Variants in ANKS4B observed in about 807,000 individuals in gnomAD.
The protein encoded by ANKS4B is ankyrin repeat and sterile alpha motif domain containing 4B, also known as ankyrin repeat and SAM domain-containing protein 4B.
Under a neutral mutation model 20.2 loss-of-function variants are expected in ANKS4B, and 21 were observed. The observed-to-expected ratio is 1.04, with a 90% confidence interval of 0.74 to 1.50. The LOEUF is 1.50. Ranked by LOEUF, ANKS4B falls within the 40% of genes most tolerant of loss-of-function variation. ANKS4B has a pLI of 0.00. For missense variants in ANKS4B, 473 were observed against 494.6 expected, an observed-to-expected ratio of 0.96 and a Z score of 0.41; for synonymous variants, 179 against 194.5, an observed-to-expected ratio of 0.92 and a Z score of 0.66.
In ANKS4B at chr16:21,233,795, G is replaced by A. The variant is rs1428004271; in HGVS notation, c.58G>A (p.Ala20Thr). 1 of 1,613,920 alleles carries A rather than the reference G, an allele frequency of 6.2e-7. No homozygotes were observed. The highest frequency in any genetic ancestry group is 8.5e-7 in the Non-Finnish European group (1 of 1,179,976). Residue 20 changes from alanine to threonine, a missense_variant, in exon 1 of 2, where the codon GCT becomes ACT. Ala to Thr is a moderately conservative substitution (Grantham distance 58). Coordinates refer to ENST00000311620, the MANE Select transcript of ANKS4B (RefSeq NM_145865.3). The stretch of plus-strand genomic sequence containing the variant: ...TAGTTACCTGGAACTTCTAAAAGAG[G>A]CTACCAAGCGAGATCTAAATCTTTC... The part of the protein sequence containing the change: ...SDSYLELLKE[A>T]TKRDLNLSDE...
rs2093337565 is a variant in ANKS4B at position 21,250,340 on chromosome 16, C to T, written c.774C>T (p.Gly258=). The T allele has an allele frequency of 2.5e-6, 4 of 1,614,152 alleles. No individual in the cohort carries two copies. Among genetic ancestry groups the T allele is most frequent in the South Asian group, 2.2e-5 (2 of 91,074 alleles). Residue 258 remains glycine, a synonymous_variant, in exon 2 of 2, where the codon GGC becomes GGT. Transcript: ENST00000311620. ...EKLQLSAEED[G]SVHHESILNR... ...TCCAGTTGTCAGCAGAGGAGGACGG[C>T]AGTGTGCACCATGAATCCATTCTCA...
Position 21,251,010 on chromosome 16 carries a change from A to G in ANKS4B, c.*190A>G, listed in dbSNP as rs1205071684. The G allele has an allele frequency of 4.6e-6, 3 of 647,700 alleles. No homozygotes were observed. The highest frequency in any genetic ancestry group is 4.5e-4 in the Middle Eastern group (1 of 2,218). 40.1% of individuals were successfully genotyped at this position (647,700 alleles called of 1,614,324 possible). ...ATGCCCATCCAAATAAATCTCCATG[A>G]GAAACTTGAGGAGACTTCATAACAA... On this transcript the variant is annotated 3_prime_UTR_variant, in exon 2 of 2. Transcript: ENST00000311620.
chr16:21,245,615 C>T (rs2093331381), intron 1 of ANKS4B, among the ~76,000 whole-genome samples: 1 of 152,038 alleles, frequency 6.6e-6, no homozygotes, highest in African/African-American at 2.4e-5. Flanking sequence ...CAGGCGCGCA[C>T]CACCATGCCT....
chr16:21,237,589 G>C (rs2093321723), intron 1 of ANKS4B, among the ~76,000 whole-genome samples: 1 of 124,178 alleles, frequency 8.1e-6, no homozygotes, highest in African/African-American at 2.9e-5. Flanking sequence ...AGGGAAGGAA[G>C]GGGCAAAAAA....
chr16:21,245,728 G>A (rs11644726), intron 1 of ANKS4B, among the ~76,000 whole-genome samples: 25,073 of 152,076 alleles, frequency 0.16, 2,195 homozygotes, highest in Non-Finnish European at 0.18. Context: ...GCCTCCCAAA[G>A]TGCTGGGATT....
intron 1 of ANKS4B, among the ~76,000 whole-genome samples, chr16:21,238,411 G>A (rs565396173): frequency 6.6e-6 from 1 of 152,000 alleles, no homozygotes; most frequent in African/African-American, 2.4e-5. Context: ...TGTCATATAG[G>A]TTACAACTGT....
chr16:21,240,775 T>A (rs1479666732), intron 1 of ANKS4B, among the ~76,000 whole-genome samples: 2 of 152,088 alleles, frequency 1.3e-5, no homozygotes, highest in Non-Finnish European at 2.9e-5. Flanking sequence ...ATTTTATTTT[T>A]TTTTTAATAA....
chr16:21,234,424 G>A (rs889216373), intron 1 of ANKS4B, among the ~76,000 whole-genome samples: 4 of 149,240 alleles, frequency 2.7e-5, no homozygotes, highest in Non-Finnish European at 5.9e-5. Flanking sequence ...GGAGTTGCTG[G>A]CTCTACAAGG....
At chr16:21,247,206 A>C (rs2152859861) in intron 1 of ANKS4B, among the ~76,000 whole-genome samples, 1 of 152,230 alleles carries the variant, frequency 6.6e-6, no homozygotes, top group Admixed American at 6.5e-5. Context: ...CTGGGATTAC[A>C]GACATGTGCC....
intron 1 of ANKS4B, among the ~76,000 whole-genome samples, chr16:21,235,184 G>A (rs2093318801): frequency 6.6e-6 from 1 of 152,162 alleles, no homozygotes; most frequent in South Asian, 2.1e-4. Context: ...GAAATAGAGG[G>A]CACTAAATAG....
intron 1 of ANKS4B, among the ~76,000 whole-genome samples, chr16:21,247,270 G>A (rs1335487067): frequency 6.6e-6 from 1 of 152,054 alleles, no homozygotes; most frequent in Non-Finnish European, 1.5e-5. Flanking sequence ...TCACAATGTT[G>A]ACCAGGCTGA....
intron 1 of ANKS4B, among the ~76,000 whole-genome samples, chr16:21,241,530 G>A (rs778819252): frequency 2.6e-5 from 4 of 152,020 alleles, no homozygotes; most frequent in Non-Finnish European, 5.9e-5. Context: ...TCTCCTGCCT[G>A]TCTCCAGAGT....
rs1265868552 is a variant in ANKS4B, at chr16:21,233,853, CA to C, written c.117del (p.Ala40ProfsTer9). The C allele has an allele frequency of 6.2e-7, 1 of 1,613,690 alleles. No homozygotes were observed. Among genetic ancestry groups the C allele is most frequent in the South Asian group, 1.1e-5 (1 of 90,918 alleles). ...DEDGMTPTLL[A>X]AYHGNLEALE... ...GACGGCATGACTCCTACTCTCTTGGCAGCCTACCATGGGAACTTGGAAGCCC... is the reference window on the plus strand; with the variant it reads ...GACGGCATGACTCCTACTCTCTTGGCGCCTACCATGGGAACTTGGAAGCCC... On this transcript the variant is annotated frameshift_variant, in exon 1 of 2. Coordinates refer to ENST00000311620, the MANE Select transcript of ANKS4B (RefSeq NM_145865.3). LOFTEE classifies it high-confidence loss of function.
chr16:21,245,144 G>C (rs2031079), intron 1 of ANKS4B, among the ~76,000 whole-genome samples: 9,001 of 152,122 alleles, frequency 0.059, 586 homozygotes, highest in East Asian at 0.36. Flanking sequence ...ACAGAATTTC[G>C]CTTGAAATTC....
At chr16:21,245,596 C>T (rs2093331333) in intron 1 of ANKS4B, among the ~76,000 whole-genome samples, 1 of 152,070 alleles carries the variant, frequency 6.6e-6, no homozygotes, top group Non-Finnish European at 1.5e-5. Flanking sequence ...TCCTGAGTAG[C>T]TGGGACTACA....
At chr16:21,240,676 G>T (rs146667971) in intron 1 of ANKS4B, among the ~76,000 whole-genome samples, 4 of 151,746 alleles carry the variant, frequency 2.6e-5, no homozygotes, top group African/African-American at 9.7e-5. Context: ...CCCTTTAAAA[G>T]ACAATCATAT....
intron 1 of ANKS4B, among the ~76,000 whole-genome samples, chr16:21,239,949 T>C (rs1405943012): frequency 6.6e-6 from 1 of 152,172 alleles, no homozygotes; most frequent in Non-Finnish European, 1.5e-5. Context: ...CCTGCACATG[T>C]ACTCCTGAAC....
In ANKS4B at chr16:21,253,022, C is replaced by CAAAAAAAAAAAA. The variant is rs938970076; in HGVS notation, c.*2212_*2223dup. ...CCAGGCGGTAAGAGAGACTCCATCT[C>CAAAAAAAAAAAA]AAAAAAAAAAAAAAAAAAAAAGAAA... On this transcript the variant is annotated 3_prime_UTR_variant, in exon 2 of 2. Transcript: ENST00000311620. 2 of 65,758 alleles carry CAAAAAAAAAAAA rather than the reference C, an allele frequency of 3.0e-5. No homozygotes were observed. Among genetic ancestry groups the CAAAAAAAAAAAA allele is most frequent in the Non-Finnish European group, 3.0e-5 (1 of 33,282 alleles). The allele number at this position is 65,758 out of a possible 1,614,324, so 4.1% of individuals were successfully genotyped here.
At position 21,249,728 on chromosome 16, in the gene ANKS4B, T is replaced by C; in HGVS notation, c.165-3T>C. The C allele has an allele frequency of 6.2e-7, 1 of 1,603,956 alleles. No individual in the cohort carries two copies. The highest frequency in any genetic ancestry group is 8.5e-7 in the Non-Finnish European group (1 of 1,172,642). The stretch of plus-strand genomic sequence containing the variant: ...GTATTTTTTTTCTCTCTCTCTCTTC[T>C]AGAGGGGACCCTGATAGGTGTGACA... On this transcript the variant is annotated splice_region_variant and splice_polypyrimidine_tract_variant and intron_variant, in intron 1 of 1. Coordinates refer to ENST00000311620, the MANE Select transcript of ANKS4B (RefSeq NM_145865.3).
Sources: gnomAD v4.1 joint callset for allele counts (sites outside exome capture counted in the v4.1 genomes callset) on GRCh38, gnomAD v4.1.1 for gene constraint, MANE v1.5 for transcripts, NCBI Gene and HGNC (gene_info 2026-07-23, HGNC 2026-07-21) for gene names.